DLG2: variants seen among roughly 807,000 people sequenced by gnomAD.
The protein encoded by DLG2 is disks large homolog 2.
DLG2 carries 45 observed loss-of-function variants against 132.5 expected under a neutral mutation model. The ratio of observed to expected loss-of-function variants is 0.34; its 90% CI spans 0.27 to 0.44. The LOEUF (loss-of-function observed/expected upper bound fraction) is 0.44, where lower values mean the gene tolerates loss of function less well. Ranked by LOEUF, DLG2 falls within the 20% of genes least tolerant of loss-of-function variation. The pLI, the probability that DLG2 is intolerant of heterozygous loss-of-function variation, is 1.00. For synonymous variants in DLG2, 424 were observed against 419.6 expected (o/e 1.01, Z -0.13); for missense variants, 1,045 against 1,196.9 (o/e 0.87, Z 1.87).
At chr11:83,971,072 T>C (rs187832922) in intron 12 of DLG2, among the ~76,000 whole-genome samples, 113 of 152,294 alleles carry the variant, frequency 7.4e-4, no homozygotes, top group Non-Finnish European at 1.4e-3. Context: ...GAAGGGACAT[T>C]ACACTGATTG....
intron 6 of DLG2, among the ~76,000 whole-genome samples, chr11:84,931,198 T>G (rs2048046082): frequency 6.6e-6 from 1 of 152,048 alleles, no homozygotes; most frequent in African/African-American, 2.4e-5. Context: ...CATGTTGAGG[T>G]TTGTTAATAG....
At chr11:84,453,694 C>T (rs966160762) in intron 7 of DLG2, among the ~76,000 whole-genome samples, 2 of 151,618 alleles carry the variant, frequency 1.3e-5, no homozygotes, top group South Asian at 4.2e-4. Flanking sequence ...TTTTTGTTCC[C>T]ATTTTACACG....
intron 3 of DLG2, among the ~76,000 whole-genome samples, chr11:85,566,031 T>TA (rs546287949): frequency 1.1e-3 from 166 of 152,290 alleles, no homozygotes; most frequent in African/African-American, 3.8e-3. Flanking sequence ...CATTTGTTTT[T>TA]ATCATAGCCA....
At position 84,679,423 on chromosome 11, in the gene DLG2, T is replaced by C. The variant is rs180679700; in HGVS notation, c.358-144692A>G. ...TTGCTTTTTCTTTCTCAAAGTTTTT[T>C]AGGGTTCAAAATGAAAGGGAGAGCT... On this transcript the variant is annotated intron_variant, in intron 6 of 27. Coordinates refer to ENST00000376104, the MANE Select transcript of DLG2 (RefSeq NM_001142699.3). Among the ~76,000 whole-genome samples, 8 of 152,146 alleles carry C rather than the reference T, an allele frequency of 5.3e-5. No homozygotes were observed. The East Asian group carries it at 1.4e-3, about 26-fold the overall frequency.
intron 6 of DLG2, among the ~76,000 whole-genome samples, chr11:84,560,937 T>G (rs1194096656): frequency 6.6e-6 from 1 of 152,142 alleles, no homozygotes; most frequent in African/African-American, 2.4e-5. Flanking sequence ...TGTCATCAGC[T>G]AGGCACTTTG....
intron 18 of DLG2, among the ~76,000 whole-genome samples, chr11:83,678,462 C>T (rs796994643): frequency 3.9e-5 from 6 of 152,276 alleles, no homozygotes; most frequent in African/African-American, 1.4e-4. Flanking sequence ...ACCTTTCATG[C>T]AGATGTGTGG....
At chr11:85,497,563 A>G (rs1006183095) in intron 3 of DLG2, among the ~76,000 whole-genome samples, 1 of 152,176 alleles carries the variant, frequency 6.6e-6, no homozygotes, top group Admixed American at 6.5e-5. Context: ...ATTCAAATTC[A>G]GGAAATACAG....
chr11:84,701,960 A>G (rs2059271947), intron 6 of DLG2, among the ~76,000 whole-genome samples: 1 of 151,376 alleles, frequency 6.6e-6, no homozygotes, highest in African/African-American at 2.4e-5. Context: ...TTTTCATCCT[A>G]TGAACTCTAA....
chr11:84,998,654 C>T (rs556703820), intron 6 of DLG2, among the ~76,000 whole-genome samples: 41 of 152,168 alleles, frequency 2.7e-4, no homozygotes, highest in Non-Finnish European at 3.7e-4. Context: ...TGAGCAGGTA[C>T]GTAAAGTATG....
intron 3 of DLG2, among the ~76,000 whole-genome samples, chr11:85,549,151 G>C (rs1157351151): frequency 6.6e-6 from 1 of 152,204 alleles, no homozygotes; most frequent in East Asian, 1.9e-4. Context: ...TGGGTCCGCA[G>C]GTTGTGAAGA....
At chr11:84,444,057 T>C (rs2099025501) in intron 7 of DLG2, among the ~76,000 whole-genome samples, 1 of 152,138 alleles carries the variant, frequency 6.6e-6, no homozygotes, top group Non-Finnish European at 1.5e-5. Flanking sequence ...TCTTGTCCTT[T>C]TCAGGGACAT....
intron 19 of DLG2, among the ~76,000 whole-genome samples, chr11:83,628,339 T>C (rs951198233): frequency 1.2e-4 from 18 of 152,162 alleles, no homozygotes; most frequent in Admixed American, 2.6e-4. Context: ...GATTCGTCCA[T>C]GGTCACAGAG....
At chr11:85,482,507 G>A (rs2093322070) in intron 3 of DLG2, among the ~76,000 whole-genome samples, 1 of 152,154 alleles carries the variant, frequency 6.6e-6, no homozygotes, top group East Asian at 1.9e-4. Flanking sequence ...CCACCTCTGT[G>A]TACCTACTAC....
At chr11:85,058,327 T>C (rs2063683688) in intron 6 of DLG2, among the ~76,000 whole-genome samples, 2 of 151,438 alleles carry the variant, frequency 1.3e-5, no homozygotes, top group South Asian at 2.1e-4. Context: ...AACGAGTAAA[T>C]GTAATGAGAT....
intron 11 of DLG2, among the ~76,000 whole-genome samples, chr11:84,043,464 C>G (rs562423911): frequency 1.8e-4 from 27 of 151,820 alleles, no homozygotes; most frequent in African/African-American, 6.0e-4. Context: ...GTTTGTTGTA[C>G]AGATTATTTC....
At chr11:84,238,534 A>C (rs1396869750) in intron 8 of DLG2, among the ~76,000 whole-genome samples, 1 of 149,556 alleles carries the variant, frequency 6.7e-6, no homozygotes, top group Non-Finnish European at 1.5e-5. Flanking sequence ...AAGAAAAAGA[A>C]AAAAAAAAAA....
At chr11:85,469,613 T>C (rs538869040) in intron 3 of DLG2, 2 of 152,248 alleles carry the variant, frequency 1.3e-5, no homozygotes, top group Non-Finnish European at 2.9e-5. Context: ...ATCCTTCAGT[T>C]AAAGGAACAA....
intron 6 of DLG2, among the ~76,000 whole-genome samples, chr11:84,579,133 G>C (rs531560006): frequency 1.3e-5 from 2 of 151,736 alleles, no homozygotes; most frequent in Admixed American, 6.6e-5. Context: ...TCAAAGTTTT[G>C]GGTATATCTT....
intron 17 of DLG2, chr11:83,791,231 T>C: frequency 3.1e-6 from 2 of 653,646 alleles, no homozygotes; most frequent in Non-Finnish European, 5.5e-6. Flanking sequence ...CTCACGGCTT[T>C]AAAGACTATC....
Sources: gnomAD v4.1 joint callset for allele counts (sites outside exome capture counted in the v4.1 genomes callset) on GRCh38, gnomAD v4.1.1 for gene constraint, MANE v1.5 for transcripts, NCBI Gene and HGNC (gene_info 2026-07-23, HGNC 2026-07-21) for gene names.